Variants in LRMDA observed in about 807,000 individuals in gnomAD.
LRMDA encodes leucine-rich melanocyte differentiation-associated protein.
A neutral mutation model predicts 29.8 loss-of-function variants in LRMDA; 18 were observed. That is an observed-to-expected ratio of 0.60 (90% CI 0.42 to 0.90). The LOEUF (loss-of-function observed/expected upper bound fraction) is 0.90. Ranked by LOEUF, LRMDA falls within the 40% of genes least tolerant of loss-of-function variation. The pLI is 0.00. For missense variants in LRMDA, 273 were observed against 273.9 expected (o/e 1.00, Z 0.02); for synonymous variants, 125 against 109.4 (o/e 1.14, Z -0.89).
intron 5 of LRMDA, among the ~76,000 whole-genome samples, chr10:76,119,732 T>C (rs11001618): frequency 0.22 from 33,097 of 152,148 alleles, 3,807 homozygotes; most frequent in African/African-American, 0.28. Flanking sequence ...ACTCTGGAAC[T>C]TTGTAATTCT....
At chr10:76,132,071 C>G (rs1850003441) in intron 5 of LRMDA, among the ~76,000 whole-genome samples, 2 of 152,156 alleles carry the variant, frequency 1.3e-5, no homozygotes, top group African/African-American at 4.8e-5. Context: ...GTGCCTTTCA[C>G]TTAGTAAGTC....
intron 2 of LRMDA, among the ~76,000 whole-genome samples, chr10:75,702,988 G>A (rs1038829994): frequency 1.3e-5 from 2 of 152,200 alleles, no homozygotes; most frequent in Non-Finnish European, 2.9e-5. Flanking sequence ...GATTTCACCT[G>A]CAAGTAGACT....
chr10:76,482,998 C>G (rs1842746698), intron 6 of LRMDA, among the ~76,000 whole-genome samples: 3 of 151,912 alleles, frequency 2.0e-5, no homozygotes, highest in African/African-American at 4.8e-5. Flanking sequence ...AAGTTGAACA[C>G]TCTTTCATAC....
chr10:76,320,141 A>G (rs551770175), intron 5 of LRMDA, among the ~76,000 whole-genome samples: 62 of 152,336 alleles, frequency 4.1e-4, no homozygotes, highest in Non-Finnish European at 8.1e-4. Flanking sequence ...TGTAGAATAC[A>G]CTGTATGTGC....
chr10:75,778,521 C>A (rs1441581876), intron 2 of LRMDA, among the ~76,000 whole-genome samples: 1 of 152,170 alleles, frequency 6.6e-6, no homozygotes, highest in Non-Finnish European at 1.5e-5. Context: ...GGAAACTTTT[C>A]ATTCTCTGCT....
intron 6 of LRMDA, among the ~76,000 whole-genome samples, chr10:76,460,608 T>C (rs1255779670): frequency 6.6e-6 from 1 of 152,252 alleles, no homozygotes; most frequent in Non-Finnish European, 1.5e-5. Context: ...GCAAGAACTG[T>C]GTATCTTTAC....
chr10:75,768,247 C>T (rs529298035), intron 2 of LRMDA, among the ~76,000 whole-genome samples: 44 of 152,302 alleles, frequency 2.9e-4, no homozygotes, highest in African/African-American at 1.0e-3. Context: ...TTAGGCAGCC[C>T]ATTCTCCTTC....
At chr10:75,494,327 G>T (rs1438916792) in intron 2 of LRMDA, among the ~76,000 whole-genome samples, 3 of 152,066 alleles carry the variant, frequency 2.0e-5, no homozygotes, top group Non-Finnish European at 4.4e-5. Flanking sequence ...GGTAGTTGGG[G>T]CTAGTTAGAG....
chr10:75,619,758 G>A (rs908582060), intron 2 of LRMDA, among the ~76,000 whole-genome samples: 2 of 152,168 alleles, frequency 1.3e-5, no homozygotes, highest in Non-Finnish European at 2.9e-5. Flanking sequence ...GGGTTTGGTA[G>A]ATCTGGGTTT....
At chr10:76,511,527 G>A (rs1843009111) in intron 6 of LRMDA, among the ~76,000 whole-genome samples, 1 of 152,012 alleles carries the variant, frequency 6.6e-6, no homozygotes, top group African/African-American at 2.4e-5. Flanking sequence ...ACATGAGTTA[G>A]CAAGATTGCA....
chr10:75,606,060 A>AT (rs11422916), intron 2 of LRMDA, among the ~76,000 whole-genome samples: 20,952 of 151,990 alleles, frequency 0.14, 4,584 homozygotes, highest in African/African-American at 0.46. Flanking sequence ...GTTTCATCAT[A>AT]TTGCCCAGGC....
intron 2 of LRMDA, among the ~76,000 whole-genome samples, chr10:75,480,951 G>A (rs921259589): frequency 7.2e-5 from 11 of 152,062 alleles, no homozygotes; most frequent in African/African-American, 2.4e-4. Context: ...GTTTTTTGTT[G>A]GAACAACTGC....
At chr10:75,958,086 C>T (rs539387117) in intron 2 of LRMDA, among the ~76,000 whole-genome samples, 29 of 152,210 alleles carry the variant, frequency 1.9e-4, no homozygotes, top group Non-Finnish European at 3.7e-4. Context: ...GCCTTGCTGA[C>T]GATGGTGCTG....
intron 2 of LRMDA, among the ~76,000 whole-genome samples, chr10:75,627,204 C>T (rs1709350023): frequency 6.6e-6 from 1 of 152,198 alleles, no homozygotes; most frequent in South Asian, 2.1e-4. Flanking sequence ...CCAGTGAGCT[C>T]TAAAATTCAA....
intron 2 of LRMDA, among the ~76,000 whole-genome samples, chr10:75,672,817 C>T (rs904308859): frequency 1.1e-4 from 17 of 151,306 alleles, no homozygotes; most frequent in African/African-American, 3.9e-4. Flanking sequence ...AGTGATCTGC[C>T]CACCTCAATC....
intron 6 of LRMDA, among the ~76,000 whole-genome samples, chr10:76,430,805 G>C (rs982691432): frequency 2.6e-5 from 4 of 152,210 alleles, no homozygotes; most frequent in South Asian, 2.1e-4. Context: ...GATAGGGTCA[G>C]TGAGTGATTT....
At chr10:76,438,518 A>G (rs565878794) in intron 6 of LRMDA, 13 of 152,138 alleles carry the variant, frequency 8.5e-5, no homozygotes, top group Non-Finnish European at 1.9e-4. Flanking sequence ...TTATTACAGC[A>G]TGGAGGATGG....
At chr10:75,997,936 C>G (rs1460637078) in intron 2 of LRMDA, among the ~76,000 whole-genome samples, 2 of 152,210 alleles carry the variant, frequency 1.3e-5, no homozygotes, top group Non-Finnish European at 2.9e-5. Flanking sequence ...TGGCTGCAGC[C>G]CATCTGCCTG....
At chr10:75,460,282 A>T (rs1844569791) in intron 2 of LRMDA, among the ~76,000 whole-genome samples, 2 of 152,216 alleles carry the variant, frequency 1.3e-5, no homozygotes, top group South Asian at 4.1e-4. Flanking sequence ...GTGTGTTAAA[A>T]TTTGGTGTAG....
Sources: allele counts gnomAD v4.1 joint callset (sites outside exome capture counted in the v4.1 genomes callset), GRCh38; gene constraint gnomAD v4.1.1; transcripts MANE v1.5; gene names NCBI Gene and HGNC (gene_info 2026-07-23, HGNC 2026-07-21).